KLHDC10: variants seen among roughly 807,000 people sequenced by gnomAD.
The protein encoded by KLHDC10 is kelch domain containing 10, also known as kelch domain-containing protein 10.
KLHDC10 carries 24 observed loss-of-function variants against 56.1 expected under a neutral mutation model. The ratio of observed to expected loss-of-function variants is 0.43; its 90% confidence interval spans 0.31 to 0.60. The LOEUF (loss-of-function observed/expected upper bound fraction) is 0.60. KLHDC10 is among the 20% of genes least tolerant of loss of function. The pLI, the probability that KLHDC10 is intolerant of heterozygous loss-of-function variation, is 0.11. For missense variants in KLHDC10, 349 were observed against 567.0 expected, an observed-to-expected ratio of 0.62 and a Z score of 3.91; for synonymous variants, 188 against 207.1, an observed-to-expected ratio of 0.91 and a Z score of 0.79.
chr7:130,109,079 A>G (rs1417728608), intron 2 of KLHDC10, among the ~76,000 whole-genome samples: 1 of 151,206 alleles, frequency 6.6e-6, no homozygotes, highest in African/African-American at 2.4e-5. Context: ...CACACCCTGT[A>G]TTTTTTTAGT....
chr7:130,078,508 C>T (rs532631899), intron 1 of KLHDC10, among the ~76,000 whole-genome samples: 6 of 152,178 alleles, frequency 3.9e-5, no homozygotes, highest in South Asian at 2.1e-4. Context: ...TAAGCCTCCG[C>T]GCCCTGCCTT....
chr7:130,094,697 A>G (rs2116867840), intron 1 of KLHDC10, among the ~76,000 whole-genome samples: 1 of 152,204 alleles, frequency 6.6e-6, no homozygotes, highest in East Asian at 1.9e-4. Flanking sequence ...ATGTTTTGTC[A>G]TGTTAATAAA....
intron 4 of KLHDC10, among the ~76,000 whole-genome samples, chr7:130,121,671 A>C (rs994338507): frequency 3.3e-5 from 5 of 152,370 alleles, no homozygotes; most frequent in African/African-American, 1.2e-4. Context: ...TCTACTTAGC[A>C]GATTGTGGTG....
At chr7:130,093,896 T>A (rs897974682) in intron 1 of KLHDC10, among the ~76,000 whole-genome samples, 8 of 152,096 alleles carry the variant, frequency 5.3e-5, no homozygotes, top group Non-Finnish European at 8.8e-5. Flanking sequence ...AAGGGTTTTT[T>A]ATTACAGTTT....
intron 1 of KLHDC10, among the ~76,000 whole-genome samples, chr7:130,091,854 T>C (rs905766110): frequency 1.3e-5 from 2 of 152,200 alleles, no homozygotes; most frequent in Admixed American, 1.3e-4. Flanking sequence ...CAATTATATA[T>C]CTTTGAGTAA....
At chr7:130,100,017 G>A (rs1346955811) in intron 2 of KLHDC10, among the ~76,000 whole-genome samples, 4 of 151,700 alleles carry the variant, frequency 2.6e-5, no homozygotes, top group Non-Finnish European at 4.4e-5. Context: ...GAGGCAGGAG[G>A]ATTGCTTGCA....
intron 2 of KLHDC10, among the ~76,000 whole-genome samples, chr7:130,106,050 GAGAC>G (rs796713203): frequency 5.9e-5 from 9 of 152,178 alleles, no homozygotes; most frequent in African/African-American, 2.2e-4. Flanking sequence ...TCGGGAGACT[GAGAC>G]AGGAGAATCG....
intron 2 of KLHDC10, among the ~76,000 whole-genome samples, chr7:130,110,815 A>G (rs1796090110): frequency 6.6e-6 from 1 of 152,212 alleles, no homozygotes; most frequent in Non-Finnish European, 1.5e-5. Flanking sequence ...CTCACCACAA[A>G]TGTTCATTAG....
At chr7:130,118,374 T>TA (rs777856337) in intron 3 of KLHDC10, among the ~76,000 whole-genome samples, 95 of 152,292 alleles carry the variant, frequency 6.2e-4, no homozygotes, top group African/African-American at 2.1e-3. Flanking sequence ...GCAGCTTCCT[T>TA]ACCTCTCCCC....
chr7:130,105,128 C>T (rs1795990939), intron 2 of KLHDC10, among the ~76,000 whole-genome samples: 1 of 152,202 alleles, frequency 6.6e-6, no homozygotes, highest in South Asian at 2.1e-4. Flanking sequence ...GGATATGGAA[C>T]AACAGGAATT....
At chr7:130,089,220 A>G (rs185334060) in intron 1 of KLHDC10, among the ~76,000 whole-genome samples, 6 of 152,282 alleles carry the variant, frequency 3.9e-5, no homozygotes, top group Admixed American at 3.3e-4. Context: ...ACTGCTGGGC[A>G]TGGTGGCTCA....
At chr7:130,107,759 G>T (rs1189280037) in intron 2 of KLHDC10, among the ~76,000 whole-genome samples, 2 of 144,528 alleles carry the variant, frequency 1.4e-5, no homozygotes, top group East Asian at 4.1e-4. Flanking sequence ...CGGGAGAATT[G>T]CTCGAACCCA....
At chr7:130,124,192 C>T (rs1029009675) in intron 5 of KLHDC10, among the ~76,000 whole-genome samples, 11 of 151,980 alleles carry the variant, frequency 7.2e-5, no homozygotes, top group African/African-American at 2.4e-4. Context: ...ATTTTTAATG[C>T]AATTGATTAA....
chr7:130,091,762 T>G (rs1400700662), intron 1 of KLHDC10, among the ~76,000 whole-genome samples: 2 of 152,200 alleles, frequency 1.3e-5, no homozygotes, highest in Non-Finnish European at 2.9e-5. Flanking sequence ...TATTTAGACT[T>G]AAAGGTTTTA....
chr7:130,096,899 T>C lies in KLHDC10; in HGVS notation c.167-22T>C, dbSNP rs777179044. Reference sequence around the variant, plus strand: ...CAATGTGTTGTATGTGTCTGACTTATTGCTGATAATTGTGGTAACAGGTAA... The same window carrying C: ...CAATGTGTTGTATGTGTCTGACTTACTGCTGATAATTGTGGTAACAGGTAA... On this transcript the variant is annotated intron_variant, in intron 1 of 9. Coordinates refer to ENST00000335420, the MANE Select transcript of KLHDC10 (RefSeq NM_014997.4). 7 of 1,568,466 alleles carry C rather than the reference T, an allele frequency of 4.5e-6. No homozygotes were observed. In the East Asian group the frequency reaches 6.7e-5, roughly 15 times the overall value.
At position 130,129,946 on chromosome 7, in the gene KLHDC10, G is replaced by A. The variant is rs151115533; in HGVS notation, c.1119+370G>A. 6.2e-3 allele frequency among the ~76,000 whole-genome samples: 950 copies of A among 152,106 alleles called. 6 individuals carry two copies. Among genetic ancestry groups the A allele is most frequent in the Middle Eastern group, 0.024 (7 of 294 alleles). On this transcript the variant is annotated intron_variant, in intron 9 of 9. Transcript: ENST00000335420. ...TTCATCTTTGTATTCCCAGTATTTG[G>A]CATCTTGGATACTTAATATAGGTTT...
rs888128080 is a variant in KLHDC10 at position 130,133,926 on chromosome 7, A to G, written c.*3180A>G. On this transcript the variant is annotated 3_prime_UTR_variant, in exon 10 of 10. Transcript: ENST00000335420. Reference sequence around the variant, plus strand: ...AAACAAAACCCTTTCCATTGGCAGAATCTCCTTTTTTCAGGGCCATAATGA... The same window carrying G: ...AAACAAAACCCTTTCCATTGGCAGAGTCTCCTTTTTTCAGGGCCATAATGA... 5 of 152,210 alleles carry G rather than the reference A, an allele frequency of 3.3e-5. No homozygotes were observed. Among genetic ancestry groups the G allele is most frequent in the Non-Finnish European group, 5.9e-5 (4 of 68,040 alleles). The allele number at this position is 152,210 out of a possible 1,614,324, so 9.4% of individuals were successfully genotyped here.
intron 1 of KLHDC10, among the ~76,000 whole-genome samples, chr7:130,077,045 T>C (rs1158040053): frequency 6.6e-6 from 1 of 152,236 alleles, no homozygotes; most frequent in East Asian, 1.9e-4. Flanking sequence ...TCTATATTCA[T>C]TTCTTTATGT....
rs1216775155 is a variant in KLHDC10, at chr7:130,133,690, A to C, written c.*2944A>C. On this transcript the variant is annotated 3_prime_UTR_variant, in exon 10 of 10. Transcript: ENST00000335420. ...TGCATGTCTTACATTTTGTTGCCGGAGAACAAGGAAGTCCATCTGTAAGGA... is the reference window on the plus strand; with the variant it reads ...TGCATGTCTTACATTTTGTTGCCGGCGAACAAGGAAGTCCATCTGTAAGGA... 1 of 152,192 alleles carries C rather than the reference A, an allele frequency of 6.6e-6. No homozygotes were observed. The highest frequency in any genetic ancestry group is 1.5e-5 in the Non-Finnish European group (1 of 68,034). 9.4% of individuals were successfully genotyped at this position (152,192 alleles called of 1,614,324 possible).
Sources: allele counts gnomAD v4.1 joint callset (sites outside exome capture counted in the v4.1 genomes callset), GRCh38; gene constraint gnomAD v4.1.1; transcripts MANE v1.5; gene names NCBI Gene and HGNC (gene_info 2026-07-23, HGNC 2026-07-21).